FRMD5: variants seen among roughly 807,000 people sequenced by gnomAD.
The protein encoded by FRMD5 is FERM domain containing 5.
FRMD5 carries 20 observed loss-of-function variants against 69.0 expected under a neutral mutation model. The ratio of observed to expected loss-of-function variants is 0.29; its 90% CI spans 0.20 to 0.42. FRMD5 has a LOEUF of 0.42. Ranked by LOEUF, FRMD5 falls within the 10% of genes least tolerant of loss-of-function variation. The pLI, the probability that FRMD5 is intolerant of heterozygous loss-of-function variation, is 1.00. For missense variants in FRMD5, 595 were observed against 708.6 expected, an observed-to-expected ratio of 0.84 and a Z score of 1.82; for synonymous variants, 271 against 260.1, an observed-to-expected ratio of 1.04 and a Z score of -0.40.
rs1281210016 is a variant in FRMD5 at position 44,012,761 on chromosome 15, G to T, written c.103-88452C>A. ...TTATTGGTTACTGGCAAGTTATTGG[G>T]TTTTTTTTTTTTTTTTTTTTTTGAG... On this transcript the variant is annotated intron_variant, in intron 1 of 13. Coordinates refer to ENST00000417257, the MANE Select transcript of FRMD5 (RefSeq NM_032892.5). Among the ~76,000 whole-genome samples, 49 of 120,864 alleles carry T rather than the reference G, an allele frequency of 4.1e-4. No individual in the cohort carries two copies. In the East Asian group the frequency reaches 7.7e-3, roughly 19 times the overall value. 79.3% of individuals were successfully genotyped at this position (120,864 alleles called of 152,430 possible). A position where few individuals can be genotyped will look rare whatever the true frequency, so the allele number is the denominator to read the frequency against.
chr15:44,065,675 C>T (rs1372761105), intron 1 of FRMD5, among the ~76,000 whole-genome samples: 1 of 152,082 alleles, frequency 6.6e-6, no homozygotes, highest in Non-Finnish European at 1.5e-5. Flanking sequence ...CCTTAAAGAG[C>T]CAGCTGAGAG....
chr15:43,902,197 C>G lies in FRMD5; in HGVS notation c.617G>C (p.Gly206Ala), dbSNP rs1185432529. ...LRKAQTLETY[G>A]VDPHPCKDVS... ...TACCTTACATGGGTGAGGATCCACT[C>G]CATATGTTTCCAATGTCTGTGCTTT... Residue 206 changes from glycine to alanine, a missense_variant, in exon 7 of 14, where the codon GGA becomes GCA. By Grantham distance (60) the Gly-to-Ala change is moderately conservative. Coordinates refer to ENST00000417257, the MANE Select transcript of FRMD5 (RefSeq NM_032892.5). 3.7e-6 allele frequency: 6 copies of G among 1,613,998 alleles called. No individual in the cohort carries two copies. Among genetic ancestry groups the G allele is most frequent in the Non-Finnish European group, 5.1e-6 (6 of 1,179,882 alleles).
At chr15:44,007,810 A>G (rs1890527293) in intron 1 of FRMD5, among the ~76,000 whole-genome samples, 1 of 151,252 alleles carries the variant, frequency 6.6e-6, no homozygotes. Flanking sequence ...CACCCCGGCT[A>G]ATTTTGTATT....
rs1438640766 is a variant in FRMD5, at chr15:43,905,886, G to A, written c.493C>T (p.Pro165Ser). The A allele has an allele frequency of 1.1e-5, 17 of 1,614,080 alleles. No individual in the cohort carries two copies. In the Admixed American group the frequency reaches 2.8e-4, roughly 27 times the overall value. ...EGYSSKFQFFPKHSEKLERKI... is the reference protein window; with the variant it reads ...EGYSSKFQFFSKHSEKLERKI... ...CTTTCCAGCTTCTCTGAATGTTTAG[G>A]GAAAAACTGGAACTTGGAGCTGTAG... The change falls in exon 6 of 14, where the codon CCT becomes TCT. Residue 165 changes from proline to serine, a missense_variant. Pro to Ser is a moderately conservative substitution (Grantham distance 74). Around this residue, in one of 5 missense-constraint regions of FRMD5, gnomAD observed 51 missense variants for 41.7 expected, o/e 1.22. Coordinates refer to ENST00000417257, the MANE Select transcript of FRMD5 (RefSeq NM_032892.5).
intron 1 of FRMD5, among the ~76,000 whole-genome samples, chr15:43,928,014 T>G (rs1334020565): frequency 6.6e-6 from 1 of 152,172 alleles, no homozygotes; most frequent in Non-Finnish European, 1.5e-5. Flanking sequence ...AACTTCAGAT[T>G]TCTTCCACTT....
intron 1 of FRMD5, among the ~76,000 whole-genome samples, chr15:44,014,281 AG>A (rs1890856555): frequency 6.6e-6 from 1 of 152,148 alleles, no homozygotes; most frequent in South Asian, 2.1e-4. Context: ...AGCTTATCTA[AG>A]GCTGGTATTC....
chr15:44,111,224 T>C lies in FRMD5; in HGVS notation c.102+83729A>G, dbSNP rs186787188. On this transcript the variant is annotated intron_variant, in intron 1 of 13. Coordinates refer to ENST00000417257, the MANE Select transcript of FRMD5 (RefSeq NM_032892.5). ...GTGACTGCTCCTGAACATCTGGCCT[T>C]CCATCTGCAACAGGGACAGTGCCAG... Among the ~76,000 whole-genome samples the C allele has an allele frequency of 3.5e-4, 54 of 152,324 alleles. No individual in the cohort carries two copies. The East Asian group carries it at 0.01, about 29-fold the overall frequency.
At chr15:43,891,892 G>T in intron 8 of FRMD5, 89 bp downstream of exon 8, 1 of 1,058,188 alleles carries the variant, frequency 9.5e-7, no homozygotes, top group Non-Finnish European at 1.5e-6. Context: ...AACCAGAACT[G>T]CCCAATCACA....
chr15:44,050,469 C>T (rs548191507), intron 1 of FRMD5, among the ~76,000 whole-genome samples: 1 of 151,018 alleles, frequency 6.6e-6, no homozygotes, highest in Non-Finnish European at 1.5e-5. Flanking sequence ...AAGCTGTCCT[C>T]CTACCTCAGC....
chr15:44,191,807 C>A (rs1258553754), intron 1 of FRMD5, among the ~76,000 whole-genome samples: 1 of 149,570 alleles, frequency 6.7e-6, no homozygotes, highest in Non-Finnish European at 1.5e-5. Flanking sequence ...CTTCAGTATA[C>A]TGAGTTCAAA....
chr15:44,151,395 TCA>T (rs2077444914), intron 1 of FRMD5, among the ~76,000 whole-genome samples: 1 of 112,982 alleles, frequency 8.9e-6, no homozygotes. Context: ...AGACTCCATC[TCA>T]AAAAAAAAAA....
intron 1 of FRMD5, among the ~76,000 whole-genome samples, chr15:44,033,922 A>G (rs1891796429): frequency 6.6e-6 from 1 of 152,220 alleles, no homozygotes; most frequent in South Asian, 2.1e-4. Context: ...TAAGTGTTCA[A>G]TAAAAGGTGA....
chr15:43,984,991 A>G (rs1451770427), intron 1 of FRMD5, among the ~76,000 whole-genome samples: 2 of 151,008 alleles, frequency 1.3e-5, no homozygotes, highest in Admixed American at 6.6e-5. Context: ...AGAAAAAAAA[A>G]AAAACAAGGC....
chr15:44,161,127 CTTGAG>C (rs1363221239), intron 1 of FRMD5, among the ~76,000 whole-genome samples: 3 of 152,310 alleles, frequency 2.0e-5, no homozygotes, highest in South Asian at 4.1e-4. Flanking sequence ...CTGGTCCCTC[CTTGAG>C]TTAACAATAA....
intron 1 of FRMD5, among the ~76,000 whole-genome samples, chr15:43,975,656 T>C (rs1032121914): frequency 6.6e-6 from 1 of 152,220 alleles, no homozygotes; most frequent in African/African-American, 2.4e-5. Flanking sequence ...ATCATGTTTA[T>C]AGGTTTCAAG....
intron 1 of FRMD5, among the ~76,000 whole-genome samples, chr15:44,144,894 G>T (rs554474440): frequency 1.3e-5 from 2 of 152,242 alleles, no homozygotes; most frequent in East Asian, 3.9e-4. Context: ...GTAGAAAGCT[G>T]GTCCTAAGTG....
At chr15:44,107,796 T>C (rs2076740741) in intron 1 of FRMD5, among the ~76,000 whole-genome samples, 1 of 152,262 alleles carries the variant, frequency 6.6e-6, no homozygotes, top group South Asian at 2.1e-4. Context: ...TAATTTGGAT[T>C]TGGCTATTGT....
intron 1 of FRMD5, among the ~76,000 whole-genome samples, chr15:43,951,187 A>C (rs1219447510): frequency 6.6e-6 from 1 of 152,124 alleles, no homozygotes; most frequent in African/African-American, 2.4e-5. Flanking sequence ...TTGGGAGGCC[A>C]AGGTGGGCAG....
upstream of FRMD5, among the ~76,000 whole-genome samples, chr15:44,197,695 A>G (rs562268148): frequency 5.4e-3 from 814 of 150,752 alleles, 8 homozygotes; most frequent in African/African-American, 0.017. Context: ...AAAAAAAAAA[A>G]AAAGAAAGAA....
Sources: gnomAD v4.1 joint callset for allele counts (sites outside exome capture counted in the v4.1 genomes callset) on GRCh38, gnomAD v4.1.1 for gene constraint, gnomAD v4.1.1 regional missense constraint, MANE v1.5 for transcripts, NCBI Gene and HGNC (gene_info 2026-07-23, HGNC 2026-07-21) for gene names.